The following MUC7 variants were observed in gnomAD, a reference collection of about 807,000 sequenced individuals.
MUC7 encodes the protein mucin-7.
A neutral mutation model predicts 2.5 loss-of-function variants in MUC7; 2 were observed. That is an observed-to-expected ratio of 0.81 (90% CI 0.33 to 2.55). MUC7 has a LOEUF of 2.55. Ranked by LOEUF, MUC7 falls within the 30% of genes most tolerant of loss-of-function variation. MUC7 has a pLI of 0.11. For missense variants in MUC7, 408 were observed against 455.6 expected (o/e 0.90, Z 0.95); for synonymous variants, 133 against 173.4 (o/e 0.77, Z 1.83).
chr4:70,450,675 A>T (rs1198416973), intron 1 of MUC7, among the ~76,000 whole-genome samples: 1 of 152,148 alleles, frequency 6.6e-6, no homozygotes, highest in African/African-American at 2.4e-5. Context: ...AAATGCTGGC[A>T]GGACTGGGTT....
intron 1 of MUC7, among the ~76,000 whole-genome samples, chr4:70,443,047 A>G (rs1471914841): frequency 1.3e-5 from 2 of 152,188 alleles, no homozygotes; most frequent in Non-Finnish European, 2.9e-5. Flanking sequence ...ACTCATGTGA[A>G]CTTACTTCTT....
chr4:70,474,173 T>G (rs1262688933), intron 2 of MUC7, 98 bp downstream of exon 2: 7 of 971,870 alleles, frequency 7.2e-6, no homozygotes, highest in Non-Finnish European at 9.5e-6. Flanking sequence ...CAACCCCTAT[T>G]TCCAAGAAGC....
At chr4:70,478,421 C>A (rs1193301911) in intron 2 of MUC7, among the ~76,000 whole-genome samples, 1 of 152,098 alleles carries the variant, frequency 6.6e-6, no homozygotes, top group African/African-American at 2.4e-5. Context: ...AGGGAATGAA[C>A]CACATAACTA....
intron 1 of MUC7, among the ~76,000 whole-genome samples, chr4:70,460,541 C>T (rs1372146374): frequency 6.6e-6 from 1 of 151,074 alleles, no homozygotes; most frequent in Non-Finnish European, 1.5e-5. Flanking sequence ...GCAGTTTGTG[C>T]CACTTTTACC....
chr4:70,461,199 A>G (rs960670193), intron 1 of MUC7, among the ~76,000 whole-genome samples: 1 of 152,120 alleles, frequency 6.6e-6, no homozygotes, highest in African/African-American at 2.4e-5. Context: ...GTTCTATTTG[A>G]GGTGTGATAA....
rs996230699 is a variant in MUC7, at chr4:70,446,980, C to T, written c.-93+16293C>T. On this transcript the variant is annotated intron_variant, in intron 1 of 3. Transcript: ENST00000413702. ...CAGGCAAATATTTTGCCAAAAATAA[C>T]ATTTTACAAGAAATGCAGACAAGTG... is the stretch of plus-strand genomic sequence containing the variant. Among the ~76,000 whole-genome samples the T allele has an allele frequency of 2.1e-5, 3 of 144,970 alleles. No homozygotes were observed. The Admixed American group carries it at 2.2e-4, about 11-fold the overall frequency.
intron 1 of MUC7, among the ~76,000 whole-genome samples, chr4:70,446,685 G>T (rs1383106668): frequency 6.6e-6 from 1 of 152,010 alleles, no homozygotes; most frequent in African/African-American, 2.4e-5. Context: ...ATCTTTTGGT[G>T]GACACAATTC....
intron 1 of MUC7, among the ~76,000 whole-genome samples, chr4:70,431,023 A>C (rs913779685): frequency 1.3e-5 from 2 of 152,146 alleles, no homozygotes; most frequent in Non-Finnish European, 2.9e-5. Flanking sequence ...TAGTCCTAAA[A>C]TAATTCACTG....
In MUC7 at chr4:70,436,679, C is replaced by T. The variant is rs192672124; in HGVS notation, c.-93+5992C>T. On this transcript the variant is annotated intron_variant, in intron 1 of 3. Transcript: ENST00000413702. ...CTCAGAGAAGTTTGTTATTACCAAC[C>T]TTCTGAAGCCTACTTCTGTCAATTC... Among the ~76,000 whole-genome samples, 465 of 152,272 alleles carry T rather than the reference C, an allele frequency of 3.1e-3. 4 individuals carry two copies. Among genetic ancestry groups the T allele is most frequent in the African/African-American group, 0.011 (438 of 41,538 alleles).
At chr4:70,437,417 C>T (rs1457573770) in intron 1 of MUC7, among the ~76,000 whole-genome samples, 1 of 151,694 alleles carries the variant, frequency 6.6e-6, no homozygotes, top group Admixed American at 6.6e-5. Context: ...CCCACTCAAG[C>T]CTCAGCAATG....
At chr4:70,442,675 A>G (rs979339294) in intron 1 of MUC7, among the ~76,000 whole-genome samples, 1 of 152,218 alleles carries the variant, frequency 6.6e-6, no homozygotes, top group Non-Finnish European at 1.5e-5. Context: ...CATGAGGGCC[A>G]AAATAAGGAT....
chr4:70,432,829 C>T, intron 1 of MUC7, among the ~76,000 whole-genome samples: 1 of 152,022 alleles, frequency 6.6e-6, no homozygotes. Flanking sequence ...AATGGTATTG[C>T]CTAGGTTTTC....
chr4:70,460,194 A>T (rs1734521795), intron 1 of MUC7, among the ~76,000 whole-genome samples: 1 of 152,218 alleles, frequency 6.6e-6, no homozygotes, highest in South Asian at 2.1e-4. Context: ...TAAGGGAAAA[A>T]AAAGGAAAAG....
chr4:70,460,684 G>A (rs6844591), intron 1 of MUC7, among the ~76,000 whole-genome samples: 14,209 of 152,012 alleles, frequency 0.093, 869 homozygotes, highest in African/African-American at 0.17. Context: ...TAGTACTCCC[G>A]GTAGGATAGA....
intron 2 of MUC7, among the ~76,000 whole-genome samples, chr4:70,478,686 T>C (rs1304045967): frequency 1.3e-5 from 2 of 152,140 alleles, no homozygotes; most frequent in Non-Finnish European, 2.9e-5. Flanking sequence ...ACCGAGATCA[T>C]GGAATGTGAG....
At chr4:70,441,229 A>G (rs1490477) in intron 1 of MUC7, among the ~76,000 whole-genome samples, 128,281 of 152,076 alleles carry the variant, frequency 0.84, 54,235 homozygotes, top group Admixed American at 0.89. Flanking sequence ...CTATAAATGT[A>G]GTCAACATTC....
upstream of MUC7, among the ~76,000 whole-genome samples, chr4:70,468,704 G>A (rs192884460): frequency 1.2e-4 from 19 of 152,310 alleles, no homozygotes; most frequent in Admixed American, 3.9e-4. Flanking sequence ...TACGAGGGAT[G>A]TGAAGAACCT....
intron 1 of MUC7, among the ~76,000 whole-genome samples, chr4:70,462,147 G>A (rs12651486): frequency 0.09 from 13,709 of 151,878 alleles, 792 homozygotes; most frequent in East Asian, 0.21. Flanking sequence ...CAAAGGTCAA[G>A]ACTGCAGTGA....
At chr4:70,430,564 C>A (rs1446083964) in exon 1 of MUC7, 1 of 151,988 alleles carries the variant, frequency 6.6e-6, no homozygotes, top group Non-Finnish European at 1.5e-5. Flanking sequence ...CTTACTGATC[C>A]TTCTTATTTG....
Sources: allele counts gnomAD v4.1 joint callset (sites outside exome capture counted in the v4.1 genomes callset), GRCh38; gene constraint gnomAD v4.1.1; transcripts MANE v1.5; gene names NCBI Gene and HGNC (gene_info 2026-07-23, HGNC 2026-07-21).